The following MRAP2 variants were observed in gnomAD, a reference collection of about 807,000 sequenced individuals.
MRAP2 encodes melanocortin-2 receptor accessory protein 2.
MRAP2 carries 20 observed loss-of-function variants against 17.4 expected under a neutral mutation model. That is an observed-to-expected ratio of 1.15 (90% CI 0.81 to 1.67). The LOEUF is 1.67. Ranked by LOEUF, MRAP2 falls within the 40% of genes most tolerant of loss-of-function variation. MRAP2 has a pLI of 0.00. For synonymous variants in MRAP2, 96 were observed against 88.4 expected (o/e 1.09, Z -0.48); for missense variants, 238 against 240.0 (o/e 0.99, Z 0.05).
chr6:84,045,279 G>T, intron 1 of MRAP2: 1 of 985,348 alleles, frequency 1.0e-6, no homozygotes, highest in Non-Finnish European at 1.2e-6. Context: ...TGAATAAGGT[G>T]TTGGTGGAGC....
In MRAP2 at chr6:84,038,616, C is replaced by A. The variant is rs192060987; in HGVS notation, c.-8+4733C>A. ...AAGTGATCCTCCCATCTCAGTCTCT[C>A]AAGTAGCTGGGACTACAGGCACAGA... is the stretch of plus-strand genomic sequence containing the variant. On this transcript the variant is annotated intron_variant, in intron 1 of 3. Coordinates refer to ENST00000257776, the MANE Select transcript of MRAP2 (RefSeq NM_138409.4). 5.3e-5 allele frequency among the ~76,000 whole-genome samples: 8 copies of A among 152,268 alleles called. No homozygotes were observed. In the East Asian group the frequency reaches 1.5e-3, roughly 29 times the overall value.
In MRAP2 at chr6:84,039,930, A is replaced by G. The variant is rs980628670; in HGVS notation, c.-8+6047A>G. On this transcript the variant is annotated intron_variant, in intron 1 of 3. Coordinates refer to ENST00000257776, the MANE Select transcript of MRAP2 (RefSeq NM_138409.4). The stretch of plus-strand genomic sequence containing the variant: ...AGATTATTTCAGGAAATATAATTCT[A>G]TCTTCTGTGGGGAAAAAAAGAAACG... 5.9e-5 allele frequency among the ~76,000 whole-genome samples: 9 copies of G among 152,218 alleles called. No homozygotes were observed. The South Asian group carries it at 1.7e-3, about 28-fold the overall frequency.
At chr6:84,067,730 G>GTT (rs57643473) in intron 3 of MRAP2, among the ~76,000 whole-genome samples, 18 of 125,628 alleles carry the variant, frequency 1.4e-4, no homozygotes, top group South Asian at 2.6e-4. Context: ...GGATGGAATT[G>GTT]TTTTTTTTTT....
the MRAP2 span, among the ~76,000 whole-genome samples, chr6:84,129,128 T>C: frequency 3.3e-5 from 5 of 152,196 alleles, no homozygotes; most frequent in Non-Finnish European, 5.9e-5. Flanking sequence ...TCTTTGCTAT[T>C]GTGAATAGTG....
At chr6:84,077,285 A>C (rs1471256107) in intron 3 of MRAP2, among the ~76,000 whole-genome samples, 2 of 152,222 alleles carry the variant, frequency 1.3e-5, no homozygotes, top group East Asian at 3.8e-4. Context: ...TGGAGTTGAC[A>C]GTGAAGAAGG....
chr6:84,105,763 T>C, the MRAP2 span, among the ~76,000 whole-genome samples: 6 of 152,138 alleles, frequency 3.9e-5, no homozygotes, highest in Non-Finnish European at 8.8e-5. Flanking sequence ...CTCAGAGGCA[T>C]GAGGAGCCCA....
intron 1 of MRAP2, among the ~76,000 whole-genome samples, chr6:84,046,637 TG>T (rs529613440): frequency 2.6e-4 from 39 of 151,854 alleles, no homozygotes; most frequent in African/African-American, 9.4e-4. Context: ...AAAAGTTAGT[TG>T]GGCGTGGTGG....
rs533945856 is a variant in MRAP2 at position 84,064,734 on chromosome 6, G to A, written c.227+1742G>A. On this transcript the variant is annotated intron_variant, in intron 3 of 3. Transcript: ENST00000257776. Reference sequence around the variant, plus strand: ...GATCTGCTGACTTCGTGATCCGCCCGCCTTGGCCTCCCAAAGTGCTGGGAT... The same window carrying A: ...GATCTGCTGACTTCGTGATCCGCCCACCTTGGCCTCCCAAAGTGCTGGGAT... 1.8e-4 allele frequency among the ~76,000 whole-genome samples: 27 copies of A among 152,238 alleles called. No homozygotes were observed. The Middle Eastern group carries it at 0.01, about 58-fold the overall frequency.
chr6:84,050,559 G>A (rs2099490183), intron 1 of MRAP2, among the ~76,000 whole-genome samples: 1 of 152,202 alleles, frequency 6.6e-6, no homozygotes, highest in Non-Finnish European at 1.5e-5. Flanking sequence ...CCCACCTTGG[G>A]CTCATCAGCC....
chr6:84,113,873 G>T, the MRAP2 span, among the ~76,000 whole-genome samples: 695 of 152,272 alleles, frequency 4.6e-3, 8 homozygotes, highest in African/African-American at 0.016. Flanking sequence ...TGAAATTCTG[G>T]CTTGAAAATT....
At chr6:84,104,011 C>T in the MRAP2 span, among the ~76,000 whole-genome samples, 5 of 152,214 alleles carry the variant, frequency 3.3e-5, no homozygotes, top group Admixed American at 2.6e-4. Context: ...CCTGATGCCT[C>T]TTCTCCTATA....
At chr6:84,131,417 C>T in the MRAP2 span, among the ~76,000 whole-genome samples, 3 of 152,084 alleles carry the variant, frequency 2.0e-5, no homozygotes, top group African/African-American at 2.4e-5. Context: ...CTTTCTGTCT[C>T]GTTGATCTGT....
chr6:84,133,610 C>T, the MRAP2 span, among the ~76,000 whole-genome samples: 38 of 152,298 alleles, frequency 2.5e-4, no homozygotes, highest in East Asian at 3.3e-3. Context: ...AGTTCAATCT[C>T]GGACTGCTGT....
At chr6:84,034,707 T>G (rs1310630418) in intron 1 of MRAP2, among the ~76,000 whole-genome samples, 1 of 151,990 alleles carries the variant, frequency 6.6e-6, no homozygotes, top group Non-Finnish European at 1.5e-5. Flanking sequence ...CAAAGGAAGC[T>G]TGAGGGAATG....
intron 3 of MRAP2, among the ~76,000 whole-genome samples, chr6:84,075,526 T>C (rs1390726382): frequency 6.6e-6 from 1 of 152,196 alleles, no homozygotes; most frequent in African/African-American, 2.4e-5. Context: ...TCCTCCTGCT[T>C]TCTGAGCTAA....
At position 84,055,418 on chromosome 6, in the gene MRAP2, T is replaced by G. The variant is rs1173284819; in HGVS notation, c.100T>G (p.Ser34Ala). The G allele has an allele frequency of 6.2e-7, 1 of 1,612,560 alleles. No homozygotes were observed. Among genetic ancestry groups the G allele is most frequent in the East Asian group, 2.2e-5 (1 of 44,876 alleles). Residue 34 changes from serine to alanine, a missense_variant, in exon 2 of 4, where the codon TCC (serine) becomes GCC (alanine). Coordinates refer to ENST00000257776, the MANE Select transcript of MRAP2 (RefSeq NM_138409.4). ...EYEYYEIGPV[S>A]FEGLKAHKYS... Reference sequence around the variant, plus strand: ...TGAATATTATGAGATTGGACCAGTTTCCTTTGAAGGACTGAAGGCTCATAA... The same window carrying G: ...TGAATATTATGAGATTGGACCAGTTGCCTTTGAAGGACTGAAGGCTCATAA...
the MRAP2 span, among the ~76,000 whole-genome samples, chr6:84,112,350 G>A: frequency 1.3e-5 from 2 of 152,016 alleles, no homozygotes; most frequent in African/African-American, 4.8e-5. Flanking sequence ...ATGTGTACAG[G>A]AAATTGTCCA....
chr6:84,096,040 T>C, the MRAP2 span, among the ~76,000 whole-genome samples: 1 of 152,206 alleles, frequency 6.6e-6, no homozygotes, highest in African/African-American at 2.4e-5. Flanking sequence ...AAATCCATAC[T>C]GGAGAGAGAG....
At chr6:84,042,416 A>T (rs1562870569) in intron 1 of MRAP2, among the ~76,000 whole-genome samples, 1 of 152,212 alleles carries the variant, frequency 6.6e-6, no homozygotes, top group East Asian at 1.9e-4. Flanking sequence ...AGCAGAGGCC[A>T]AAGGTGGCAG....
Sources: allele counts gnomAD v4.1 joint callset (sites outside exome capture counted in the v4.1 genomes callset), GRCh38; gene constraint gnomAD v4.1.1; transcripts MANE v1.5; gene names NCBI Gene and HGNC (gene_info 2026-07-23, HGNC 2026-07-21).